SLC39A14: variants seen among roughly 807,000 people sequenced by gnomAD.
SLC39A14 encodes metal cation symporter ZIP14.
SLC39A14 carries 19 observed loss-of-function variants against 45.5 expected under a neutral mutation model. That is an observed-to-expected ratio of 0.42 (90% CI 0.29 to 0.61). SLC39A14 has a LOEUF of 0.61. Ranked by LOEUF, SLC39A14 falls within the 20% of genes least tolerant of loss-of-function variation. SLC39A14 has a pLI of 0.22. For synonymous variants in SLC39A14, 264 were observed against 251.3 expected, an observed-to-expected ratio of 1.05 and a Z score of -0.48; for missense variants, 447 against 616.5, an observed-to-expected ratio of 0.73 and a Z score of 2.91.
At chr8:22,393,646 A>G (rs991225604) in intron 1 of SLC39A14, among the ~76,000 whole-genome samples, 6 of 152,106 alleles carry the variant, frequency 3.9e-5, no homozygotes, top group African/African-American at 1.4e-4. Context: ...TCCGTAGCCA[A>G]ATGTGTTTTT....
chr8:22,378,983 G>A (rs1263924907), intron 1 of SLC39A14, among the ~76,000 whole-genome samples: 2 of 152,204 alleles, frequency 1.3e-5, no homozygotes, highest in Non-Finnish European at 1.5e-5. Context: ...GAGGCCAGCA[G>A]TGTGAAATGC....
chr8:22,406,958 G>T (rs1287060625), intron 2 of SLC39A14, among the ~76,000 whole-genome samples: 3 of 152,184 alleles, frequency 2.0e-5, no homozygotes, highest in African/African-American at 7.2e-5. Context: ...ACCGAACTCA[G>T]AAAAGGCCTG....
intron 1 of SLC39A14, among the ~76,000 whole-genome samples, chr8:22,394,597 G>A (rs923574948): frequency 2.6e-5 from 4 of 152,148 alleles, no homozygotes; most frequent in African/African-American, 9.7e-5. Flanking sequence ...GGGATTGCAG[G>A]CGTGAGCCAC....
At chr8:22,400,079 A>AAGATCTGCACAG (rs1834767928) in intron 1 of SLC39A14, among the ~76,000 whole-genome samples, 1 of 151,296 alleles carries the variant, frequency 6.6e-6, no homozygotes, top group East Asian at 1.9e-4. Context: ...GACATCGGGA[A>AAGATCTGCACAG]AGATCTGCAC....
intron 8 of SLC39A14, among the ~76,000 whole-genome samples, chr8:22,433,680 C>T (rs1440246675): frequency 6.6e-6 from 1 of 151,930 alleles, no homozygotes; most frequent in Non-Finnish European, 1.5e-5. Flanking sequence ...CCATCTCAGC[C>T]TCCCAAGTAG....
intron 8 of SLC39A14, 82 bp from the exon 9 acceptor site, chr8:22,419,470 C>T: frequency 7.2e-7 from 1 of 1,382,746 alleles, no homozygotes; most frequent in African/African-American, 1.4e-5. Context: ...CCAACCTGAT[C>T]TATATCTCCA....
At chr8:22,413,647 A>C (rs1404913261) in intron 4 of SLC39A14, among the ~76,000 whole-genome samples, 3 of 152,236 alleles carry the variant, frequency 2.0e-5, no homozygotes, top group Admixed American at 6.5e-5. Flanking sequence ...GGACCAATTC[A>C]TGAGAGGGCT....
At position 22,421,310 on chromosome 8, in the gene SLC39A14, T is replaced by C. The variant is rs1375924724; in HGVS notation, c.*1612T>C. The C allele has an allele frequency of 1.0e-5, 10 of 985,800 alleles. No homozygotes were observed. The highest frequency in any genetic ancestry group is 1.1e-5 in the Non-Finnish European group (9 of 829,950). 61.1% of individuals were successfully genotyped at this position (985,800 alleles called of 1,614,324 possible). Reference sequence around the variant, plus strand: ...GCAGCATCCGTTTTGTTTTCTCTTCTTGGGAGACATCTGTCAAACCAGGAA... The same window carrying C: ...GCAGCATCCGTTTTGTTTTCTCTTCCTGGGAGACATCTGTCAAACCAGGAA... On this transcript the variant is annotated 3_prime_UTR_variant, in exon 9 of 9. Transcript: ENST00000381237.
chr8:22,430,190 T>C (rs931199526), intron 8 of SLC39A14, among the ~76,000 whole-genome samples: 5 of 150,308 alleles, frequency 3.3e-5, no homozygotes, highest in South Asian at 2.1e-4. Context: ...AGCTTCAAAC[T>C]CCTGGACTCA....
At chr8:22,398,061 A>ACGT (rs1212899757) in intron 1 of SLC39A14, among the ~76,000 whole-genome samples, 1 of 151,884 alleles carries the variant, frequency 6.6e-6, no homozygotes, top group Non-Finnish European at 1.5e-5. Context: ...AGCTGCGGGG[A>ACGT]CGTCTTAGGA....
At chr8:22,401,543 C>CTTTTTTTTTTTTTTTTTTTTTTTTTT (rs71544899) in intron 1 of SLC39A14, among the ~76,000 whole-genome samples, 1 of 84,076 alleles carries the variant, frequency 1.2e-5, no homozygotes, top group South Asian at 4.8e-4. Context: ...TCTTCTCTTT[C>CTTTTTTTTTTTTTTTTTTTTTTTTTT]TTTTTTTTTT....
intron 1 of SLC39A14, among the ~76,000 whole-genome samples, chr8:22,373,780 T>C (rs79294942): frequency 2.0e-5 from 3 of 151,602 alleles, no homozygotes; most frequent in African/African-American, 7.3e-5. Context: ...TTTTTTTTTT[T>C]CCAAGGCAGA....
intron 8 of SLC39A14, among the ~76,000 whole-genome samples, chr8:22,419,326 G>A (rs1476744332): frequency 6.6e-6 from 1 of 152,134 alleles, no homozygotes; most frequent in East Asian, 1.9e-4. Flanking sequence ...TGGGACTACA[G>A]GCCTGCGCCA....
intron 5 of SLC39A14, 181 bp downstream of exon 5, chr8:22,415,083 G>C: frequency 1.5e-6 from 1 of 672,036 alleles, no homozygotes; most frequent in Non-Finnish European, 2.4e-6. Flanking sequence ...CAGAAGTGAG[G>C]CCAGACCAGA....
At chr8:22,384,110 G>A (rs1833657471) in intron 1 of SLC39A14, among the ~76,000 whole-genome samples, 1 of 152,128 alleles carries the variant, frequency 6.6e-6, no homozygotes, top group South Asian at 2.1e-4. Flanking sequence ...GGTGTGTGCA[G>A]TGGCTCTGCT....
chr8:22,398,312 G>C (rs914437692), intron 1 of SLC39A14: 6 of 152,304 alleles, frequency 3.9e-5, no homozygotes, highest in Non-Finnish European at 7.3e-5. Context: ...CTGACCCCGC[G>C]TAAGAGCCCC....
chr8:22,369,054 TC>T (rs1832797276), intron 1 of SLC39A14, among the ~76,000 whole-genome samples: 1 of 152,132 alleles, frequency 6.6e-6, no homozygotes, highest in Non-Finnish European at 1.5e-5. Context: ...ATGTTCCTTT[TC>T]CTGGTGGAGG....
intron 8 of SLC39A14, among the ~76,000 whole-genome samples, chr8:22,429,108 T>G (rs183486388): frequency 1.9e-3 from 286 of 152,002 alleles, no homozygotes; most frequent in African/African-American, 6.5e-3. Flanking sequence ...CCGTCTCTAC[T>G]AAAAATACAA....
rs1836181985 is a variant in SLC39A14, at chr8:22,420,793, G to A, written c.*1095G>A. 3 of 985,282 alleles carry A rather than the reference G, an allele frequency of 3.0e-6. No individual in the cohort carries two copies. The South Asian group carries it at 1.4e-4, about 46-fold the overall frequency. 61.0% of individuals were successfully genotyped at this position (985,282 alleles called of 1,614,324 possible). ...CTAATAGGGGGTCTCTGAAATGTAA[G>A]GGCACAAACTTCACTTAGGGCATCG... On this transcript the variant is annotated 3_prime_UTR_variant, in exon 9 of 9. Transcript: ENST00000381237.
Sources: gnomAD v4.1 joint callset for allele counts (sites outside exome capture counted in the v4.1 genomes callset) on GRCh38, gnomAD v4.1.1 for gene constraint, MANE v1.5 for transcripts, NCBI Gene and HGNC (gene_info 2026-07-23, HGNC 2026-07-21) for gene names.